Variants in PODN observed in about 807,000 individuals in gnomAD.
PODN encodes podocan proteoglycan.
Under a neutral mutation model 52.7 loss-of-function variants are expected in PODN, and 40 were observed. The ratio of observed to expected loss-of-function variants is 0.76; its 90% CI spans 0.59 to 0.99. PODN has a LOEUF of 0.99. Ranked by LOEUF, PODN falls within the 50% of genes least tolerant of loss-of-function variation. The pLI, the probability that PODN is intolerant of heterozygous loss-of-function variation, is 0.00. For missense variants in PODN, 720 were observed against 815.1 expected (o/e 0.88, Z 1.42); for synonymous variants, 396 against 377.9 (o/e 1.05, Z -0.56).
chr1:53,082,338 C>G, intron 10 of PODN, 150 bp downstream of exon 10: 2 of 1,173,958 alleles, frequency 1.7e-6, no homozygotes, highest in Non-Finnish European at 2.3e-6. Flanking sequence ...TTGGGATGTA[C>G]CAGGCCGTGG....
At chr1:53,077,629 C>G in intron 6 of PODN, 56 bp from the exon 7 acceptor site, 3 of 1,512,774 alleles carry the variant, frequency 2.0e-6, no homozygotes, top group East Asian at 2.3e-5. Flanking sequence ...TCCCGAGGCC[C>G]TGACCTTGCC....
In PODN at chr1:53,071,550, A is replaced by G. The variant is rs1392077438; in HGVS notation, c.328A>G (p.Lys110Glu). The G allele has an allele frequency of 6.2e-7, 1 of 1,613,336 alleles. No individual in the cohort carries two copies. Among genetic ancestry groups the G allele is most frequent in the Non-Finnish European group, 8.5e-7 (1 of 1,179,758 alleles). The change falls in exon 3 of 11, where the codon AAG becomes GAG. Residue 110 changes from lysine (K) to glutamate (E), a missense_variant. Transcript: ENST00000312553. The stretch of plus-strand genomic sequence containing the variant: ...ACCCCCCTAGAACAACCAGCTGGAA[A>G]AGATCTACCCTGAGGAGCTCTCCCG... ...HLSLQNNQLE[K>E]IYPEELSRLH...
At chr1:53,075,994 G>C in intron 5 of PODN, 23 bp downstream of exon 5, 1 of 1,541,418 alleles carries the variant, frequency 6.5e-7, no homozygotes, top group Non-Finnish European at 8.8e-7. Flanking sequence ...GGGTGGTCAG[G>C]GCTCGGGCTG....
chr1:53,081,742 G>T (rs1644298530), intron 9 of PODN, among the ~76,000 whole-genome samples: 1 of 152,170 alleles, frequency 6.6e-6, no homozygotes, highest in Non-Finnish European at 1.5e-5. Flanking sequence ...CGCAGAGAGA[G>T]ACCCCTCACT....
chr1:53,083,824 G>A lies in PODN; in HGVS notation c.*28-689G>A, dbSNP rs1644326877. On this transcript the variant is annotated intron_variant, in intron 10 of 10. Coordinates refer to ENST00000312553, the MANE Select transcript of PODN (RefSeq NM_153703.5). ...AAGACATTGGAGAGGAGCCAGGAGCGGCTGTGTGGTCGGAGGAGAGAGGAG... is the reference window on the plus strand; with the variant it reads ...AAGACATTGGAGAGGAGCCAGGAGCAGCTGTGTGGTCGGAGGAGAGAGGAG... 3.3e-5 allele frequency among the ~76,000 whole-genome samples: 5 copies of A among 152,224 alleles called. No individual in the cohort carries two copies. The South Asian group carries it at 1.0e-3, about 32-fold the overall frequency.
chr1:53,076,103 C>A (rs1029199570), intron 5 of PODN, 132 bp downstream of exon 5: 10 of 750,540 alleles, frequency 1.3e-5, no homozygotes, highest in South Asian at 8.2e-5. Flanking sequence ...GGAGGGACAC[C>A]CAGGGGCCCT....
chr1:53,074,620 G>C lies in PODN; in HGVS notation c.421G>C (p.Ala141Pro). 1 of 1,614,096 alleles carries C rather than the reference G, an allele frequency of 6.2e-7. No homozygotes were observed. The highest frequency in any genetic ancestry group is 8.5e-7 in the Non-Finnish European group (1 of 1,180,028). The change falls in exon 4 of 11, where the codon GCG becomes CCG. Residue 141 changes from alanine (A) to proline (P), a missense_variant. Ala to Pro is a conservative substitution (Grantham distance 27). Transcript: ENST00000312553. The part of the protein sequence containing the change: ...RLTSRGLPEK[A>P]FEHLTNLNYL... Reference sequence around the variant, plus strand: ...GTCCTTTGAAGGGCTCCCAGAGAAGGCGTTTGAGCATCTGACCAACCTCAA... The same window carrying C: ...GTCCTTTGAAGGGCTCCCAGAGAAGCCGTTTGAGCATCTGACCAACCTCAA...
intron 10 of PODN, among the ~76,000 whole-genome samples, chr1:53,083,711 G>A (rs552972021): frequency 1.2e-4 from 19 of 152,344 alleles, no homozygotes; most frequent in Admixed American, 9.8e-4. Context: ...TGTGTTGGCC[G>A]GAGGCTGGCT....
In PODN at chr1:53,080,830, G is replaced by A. The variant is rs766574097; in HGVS notation, c.1615G>A (p.Ala539Thr). 1.3e-5 allele frequency: 21 copies of A among 1,613,968 alleles called. No individual in the cohort carries two copies. Among genetic ancestry groups the A allele is most frequent in the East Asian group, 2.2e-5 (1 of 44,888 alleles). ...LQNNKISAVP[A>T]NAFDSTPNLK... Reference sequence around the variant, plus strand: ...GAACAACAAGATTAGTGCGGTGCCCGCCAATGCCTTCGACTCCACGCCCAA... The same window carrying A: ...GAACAACAAGATTAGTGCGGTGCCCACCAATGCCTTCGACTCCACGCCCAA... The change falls in exon 9 of 11, where the codon GCC becomes ACC. Residue 539 changes from alanine to threonine, a missense_variant. Transcript: ENST00000312553.
At chr1:53,076,093 G>A (rs1447714491) in intron 5 of PODN, 122 bp downstream of exon 5, 5 of 827,656 alleles carry the variant, frequency 6.0e-6, no homozygotes, top group Non-Finnish European at 9.8e-6. Flanking sequence ...GGGCTGTGGT[G>A]GAGGGACACC....
At chr1:53,066,690 C>T in intron 1 of PODN, 2 of 852,268 alleles carry the variant, frequency 2.3e-6, no homozygotes, top group Non-Finnish European at 3.6e-6. Flanking sequence ...AGCTTTGCCA[C>T]TTAACAGCTG....
intron 2 of PODN, 22 bp downstream of exon 2, chr1:53,070,189 T>G: frequency 6.3e-7 from 1 of 1,599,816 alleles, no homozygotes; most frequent in Non-Finnish European, 8.5e-7. Flanking sequence ...GTTGCACCTG[T>G]GGTCACGGGG....
At chr1:53,075,803 A>T in intron 4 of PODN, 59 bp from the exon 5 acceptor site, 2 of 1,411,714 alleles carry the variant, frequency 1.4e-6, no homozygotes, top group South Asian at 2.4e-5. Context: ...AGGCAGTGGG[A>T]CCCACAGCTG....
Position 53,079,062 on chromosome 1 carries a change from G to C in PODN, c.1512+40G>C. 3 of 1,476,650 alleles carry C rather than the reference G, an allele frequency of 2.0e-6. No individual in the cohort carries two copies. The South Asian group carries it at 4.1e-5, about 20-fold the overall frequency. 91.5% of individuals were successfully genotyped at this position (1,476,650 alleles called of 1,614,324 possible). On this transcript the variant is annotated intron_variant, in intron 8 of 10. Transcript: ENST00000312553. Reference sequence around the variant, plus strand: ...GGGGGCTGAGCCATGCCCATGGAGGGGGGTACTGGCATGGCTGCCCTGAGC... The same window carrying C: ...GGGGGCTGAGCCATGCCCATGGAGGCGGGTACTGGCATGGCTGCCCTGAGC...
At chr1:53,079,060 G>C in intron 8 of PODN, 38 bp downstream of exon 8, 2 of 1,476,490 alleles carry the variant, frequency 1.4e-6, no homozygotes, top group Non-Finnish European at 1.8e-6. Flanking sequence ...TGCCCATGGA[G>C]GGGGGTACTG....
chr1:53,062,708 G>C (rs951171289), intron 1 of PODN, among the ~76,000 whole-genome samples: 6 of 152,186 alleles, frequency 3.9e-5, no homozygotes, highest in African/African-American at 1.4e-4. Flanking sequence ...GCCTGGGCCC[G>C]AAGTATCCCC....
At chr1:53,075,262 A>G (rs1644177238) in intron 4 of PODN, among the ~76,000 whole-genome samples, 1 of 152,098 alleles carries the variant, frequency 6.6e-6, no homozygotes, top group Non-Finnish European at 1.5e-5. Context: ...CATTTCCCCT[A>G]GACATCCAGT....
chr1:53,062,324 A>G lies in PODN; in HGVS notation c.-56+16A>G, dbSNP rs56054926. 0.17 allele frequency: 207,366 copies of G among 1,244,242 alleles called. 30,266 individuals are homozygous for G. Among genetic ancestry groups the G allele is most frequent in the African/African-American group, 0.73 (46,931 of 64,222 alleles). 77.1% of individuals were successfully genotyped at this position (1,244,242 alleles called of 1,614,324 possible). Reference sequence around the variant, plus strand: ...GGCGCAGCAGGTACAGGGCGCTGGCAGCCGGGGTGGGCCGAGGGGCCGGGG... The same window carrying G: ...GGCGCAGCAGGTACAGGGCGCTGGCGGCCGGGGTGGGCCGAGGGGCCGGGG... On this transcript the variant is annotated intron_variant, in intron 1 of 10. Transcript: ENST00000312553.
intron 9 of PODN, 82 bp from the exon 10 acceptor site, chr1:53,081,899 C>T: frequency 6.6e-7 from 1 of 1,510,990 alleles, no homozygotes; most frequent in South Asian, 1.4e-5. Context: ...TCCCCTGTTA[C>T]CTTCTGGAGA....
Sources: allele counts gnomAD v4.1 joint callset (sites outside exome capture counted in the v4.1 genomes callset), GRCh38; gene constraint gnomAD v4.1.1; transcripts MANE v1.5; gene names NCBI Gene and HGNC (gene_info 2026-07-23, HGNC 2026-07-21).